Variants in SORCS3 observed in about 807,000 individuals in gnomAD.
SORCS3 encodes the protein sortilin related VPS10 domain containing receptor 3, also known as VPS10 domain-containing receptor SorCS3.
In SORCS3, 57 loss-of-function variants were observed where a neutral mutation model predicts 146.3. The ratio of observed to expected loss-of-function variants is 0.39; its 90% CI spans 0.31 to 0.49. The LOEUF is 0.49. Among genes scored for constraint, SORCS3 ranks in the 20% least tolerant of loss-of-function variants. The pLI is 0.92. For missense variants in SORCS3, 1,341 were observed against 1,575.5 expected (o/e 0.85, Z 2.52); for synonymous variants, 653 against 618.5 (o/e 1.06, Z -0.83).
intron 4 of SORCS3, among the ~76,000 whole-genome samples, chr10:104,987,072 C>T (rs924821258): frequency 2.0e-5 from 3 of 151,844 alleles, no homozygotes; most frequent in African/African-American, 4.8e-5. Context: ...GTACGCATTA[C>T]ATATTACATA....
At chr10:104,823,288 T>A (rs1163411218) in intron 1 of SORCS3, among the ~76,000 whole-genome samples, 2 of 152,188 alleles carry the variant, frequency 1.3e-5, no homozygotes, top group Non-Finnish European at 2.9e-5. Flanking sequence ...GTTTAGGCCA[T>A]GGGAACACTT....
At chr10:104,924,021 A>G (rs557447108) in intron 3 of SORCS3, among the ~76,000 whole-genome samples, 4 of 152,230 alleles carry the variant, frequency 2.6e-5, no homozygotes, top group Non-Finnish European at 5.9e-5. Flanking sequence ...CACGATCATC[A>G]TGCAATTTGC....
At position 104,749,916 on chromosome 10, in the gene SORCS3, C is replaced by T. The variant is rs187062470; in HGVS notation, c.628-92876C>T. 1.9e-3 allele frequency among the ~76,000 whole-genome samples: 289 copies of T among 152,158 alleles called. 1 individual carries two copies. The highest frequency in any genetic ancestry group is 5.7e-4 in the Non-Finnish European group (39 of 67,996). On this transcript the variant is annotated intron_variant, in intron 1 of 26. Coordinates refer to ENST00000369701, the MANE Select transcript of SORCS3 (RefSeq NM_014978.3). ...TACTATTTAATTATATAATAGATTC[C>T]TTGCAAAAACAATGAAAATGAGCAT...
intron 1 of SORCS3, among the ~76,000 whole-genome samples, chr10:104,811,273 T>C (rs1036413122): frequency 2.0e-5 from 3 of 151,988 alleles, no homozygotes; most frequent in Non-Finnish European, 4.4e-5. Flanking sequence ...TTCATGGGAG[T>C]GGGACCTGCA....
chr10:104,714,349 C>T (rs111241484), intron 1 of SORCS3, among the ~76,000 whole-genome samples: 174 of 152,008 alleles, frequency 1.1e-3, no homozygotes, highest in African/African-American at 3.0e-3. Flanking sequence ...ATCTTAGGTT[C>T]ATTGATTTTA....
intron 1 of SORCS3, among the ~76,000 whole-genome samples, chr10:104,838,085 G>A (rs1037987420): frequency 6.6e-6 from 1 of 152,174 alleles, no homozygotes. Flanking sequence ...ATTGCCCAGT[G>A]TAGTACTTAG....
At chr10:104,733,087 A>AT (rs2016726754) in intron 1 of SORCS3, among the ~76,000 whole-genome samples, 1 of 152,226 alleles carries the variant, frequency 6.6e-6, no homozygotes, top group South Asian at 2.1e-4. Context: ...TGTCATGGGC[A>AT]TAAGCAAAAA....
intron 7 of SORCS3, among the ~76,000 whole-genome samples, chr10:105,137,849 G>A (rs2056069208): frequency 6.7e-6 from 1 of 149,602 alleles, no homozygotes; most frequent in African/African-American, 2.4e-5. Flanking sequence ...TACATGTGTT[G>A]GTTTTCTAAT....
At chr10:104,695,129 T>C (rs2016159362) in intron 1 of SORCS3, among the ~76,000 whole-genome samples, 1 of 152,184 alleles carries the variant, frequency 6.6e-6, no homozygotes, top group African/African-American at 2.4e-5. Flanking sequence ...CTTTGTGTAA[T>C]GGAATTTTAT....
chr10:105,178,699 A>G (rs1286057137), intron 14 of SORCS3, among the ~76,000 whole-genome samples: 1 of 152,100 alleles, frequency 6.6e-6, no homozygotes, highest in African/African-American at 2.4e-5. Flanking sequence ...TTATAATGAG[A>G]TTTAATCTTA....
intron 1 of SORCS3, among the ~76,000 whole-genome samples, chr10:104,771,071 G>A (rs997426589): frequency 1.3e-5 from 2 of 152,180 alleles, no homozygotes; most frequent in South Asian, 2.1e-4. Flanking sequence ...TGATAGCCAC[G>A]TGGGCTGATG....
chr10:105,041,107 T>C (rs2055335186), intron 4 of SORCS3, among the ~76,000 whole-genome samples: 1 of 147,700 alleles, frequency 6.8e-6, no homozygotes, highest in African/African-American at 2.5e-5. Context: ...ATATATAAAA[T>C]GGGTTCAAGA....
At chr10:105,099,161 TGCTGATGGAA>T (rs1383474305) in intron 6 of SORCS3, among the ~76,000 whole-genome samples, 1 of 152,206 alleles carries the variant, frequency 6.6e-6, no homozygotes, top group African/African-American at 2.4e-5. Context: ...AGAAAAAGGA[TGCTGATGGAA>T]GCTAAATAAC....
At chr10:104,998,988 G>A (rs2055043506) in intron 4 of SORCS3, among the ~76,000 whole-genome samples, 1 of 152,170 alleles carries the variant, frequency 6.6e-6, no homozygotes, top group Admixed American at 6.5e-5. Context: ...AAGTTATGAT[G>A]ATGTGTGAAT....
chr10:105,208,850 CTG>C (rs947629515), intron 16 of SORCS3, among the ~76,000 whole-genome samples: 3 of 152,170 alleles, frequency 2.0e-5, no homozygotes, highest in Non-Finnish European at 2.9e-5. Context: ...TCCATACGAA[CTG>C]TCAGACTGAG....
chr10:104,994,569 A>C (rs1214318773), intron 4 of SORCS3, among the ~76,000 whole-genome samples: 1 of 152,216 alleles, frequency 6.6e-6, no homozygotes, highest in African/African-American at 2.4e-5. Flanking sequence ...CACCTTCAAA[A>C]GTTTCCTTGT....
chr10:105,249,957 T>C (rs1424136096), intron 22 of SORCS3, among the ~76,000 whole-genome samples: 1 of 152,158 alleles, frequency 6.6e-6, no homozygotes, highest in Non-Finnish European at 1.5e-5. Context: ...GTTAGTCTGT[T>C]TGGGCTGCTA....
At chr10:105,210,066 A>C (rs541333820) in intron 16 of SORCS3, among the ~76,000 whole-genome samples, 114 of 152,062 alleles carry the variant, frequency 7.5e-4, no homozygotes, top group Admixed American at 7.5e-3. Flanking sequence ...ATAGATGTGG[A>C]ATTAAATTTA....
At chr10:104,696,330 C>T (rs1358933340) in intron 1 of SORCS3, among the ~76,000 whole-genome samples, 2 of 65,122 alleles carry the variant, frequency 3.1e-5, no homozygotes, top group Non-Finnish European at 5.1e-5. Flanking sequence ...ATCATATACA[C>T]ATATGATATA....
Sources: allele counts gnomAD v4.1 joint callset (sites outside exome capture counted in the v4.1 genomes callset), GRCh38; gene constraint gnomAD v4.1.1; transcripts MANE v1.5; gene names NCBI Gene and HGNC (gene_info 2026-07-23, HGNC 2026-07-21).